ANK1: variants seen among roughly 807,000 people sequenced by gnomAD.
The protein encoded by ANK1 is ankyrin-1.
ANK1 carries 51 observed loss-of-function variants against 210.4 expected under a neutral mutation model. The observed-to-expected ratio is 0.24, with a 90% CI of 0.19 to 0.31. The LOEUF (loss-of-function observed/expected upper bound fraction) is 0.31. ANK1 is among the 10% of genes least tolerant of loss of function. ANK1 has a pLI of 1.00. For missense variants in ANK1, 2,051 were observed against 2,504.4 expected (o/e 0.82, Z 3.86); for synonymous variants, 967 against 1,025.9 (o/e 0.94, Z 1.10).
At chr8:41,885,847 T>C (rs1340016017) in intron 1 of ANK1, among the ~76,000 whole-genome samples, 1 of 152,238 alleles carries the variant, frequency 6.6e-6, no homozygotes, top group Non-Finnish European at 1.5e-5. Context: ...TTGCCTGACT[T>C]GGGCTGTTTC....
At position 41,694,802 on chromosome 8, in the gene ANK1, C is replaced by A; in HGVS notation, c.3117G>T (p.Glu1039Asp). 1 of 1,614,036 alleles carries A rather than the reference C, an allele frequency of 6.2e-7. No homozygotes were observed. Among genetic ancestry groups the A allele is most frequent in the Non-Finnish European group, 8.5e-7 (1 of 1,179,960 alleles). ...TCTCTAGCTCCTCCAGGCTCCCCAG[C>A]TCTGGAATCACACACACAGGCCACC... ...LDQILNGMDEELGSLEELEKK... is the reference protein window; with the variant it reads ...LDQILNGMDEDLGSLEELEKK... The change falls in exon 28 of 43, where the codon GAG becomes GAT. Residue 1039 changes from glutamate to aspartate, a missense_variant and splice_region_variant. Coordinates refer to ENST00000289734, the MANE Select transcript of ANK1 (RefSeq NM_000037.4). This position sits in a 1 kb window ranked among gnomAD's most constrained non-coding sequence, Gnocchi z 5.7.
At chr8:41,731,427 T>C (rs1183598805) in intron 3 of ANK1, among the ~76,000 whole-genome samples, 2 of 152,176 alleles carry the variant, frequency 1.3e-5, no homozygotes, top group Non-Finnish European at 2.9e-5. Flanking sequence ...AGATGAAAGC[T>C]GTCCCCATTC....
intron 1 of ANK1, among the ~76,000 whole-genome samples, chr8:41,847,710 A>G (rs1810329012): frequency 1.3e-5 from 2 of 152,206 alleles, no homozygotes; most frequent in Non-Finnish European, 2.9e-5. Flanking sequence ...AAGACATTAC[A>G]GAGCGGCATT....
chr8:41,802,647 GAAAAGCATCAT>G (rs1850061403), intron 1 of ANK1, among the ~76,000 whole-genome samples: 1 of 152,048 alleles, frequency 6.6e-6, no homozygotes, highest in Non-Finnish European at 1.5e-5. Context: ...TATTCCTCTA[GAAAAGCATCAT>G]AACAGCTGGG....
At chr8:41,811,687 A>T (rs1802523612) in intron 1 of ANK1, among the ~76,000 whole-genome samples, 1 of 152,212 alleles carries the variant, frequency 6.6e-6, no homozygotes, top group Non-Finnish European at 1.5e-5. Flanking sequence ...AGTGTGTTCA[A>T]CTGCACAGTG....
At chr8:41,662,246 C>T (rs1030123135) in intron 40 of ANK1, among the ~76,000 whole-genome samples, 2 of 148,484 alleles carry the variant, frequency 1.3e-5, no homozygotes, top group Non-Finnish European at 3.0e-5. Context: ...GACAGAGCAA[C>T]ACTCTGTGTC....
At chr8:41,829,954 A>AAAAAAAAC (rs1806291666) in intron 1 of ANK1, 1 of 148,212 alleles carries the variant, frequency 6.7e-6, no homozygotes, top group Non-Finnish European at 1.5e-5. Context: ...AAAAAAAAAA[A>AAAAAAAAC]AAAATCTGAC....
chr8:41,843,393 T>C (rs962028120), intron 1 of ANK1, among the ~76,000 whole-genome samples: 2 of 151,766 alleles, frequency 1.3e-5, no homozygotes, highest in Non-Finnish European at 2.9e-5. Context: ...CTTCTCTTCA[T>C]TTCCCCCCCA....
chr8:41,893,028 G>A (rs1439442745), intron 1 of ANK1, among the ~76,000 whole-genome samples: 11 of 152,172 alleles, frequency 7.2e-5, no homozygotes, highest in Admixed American at 3.3e-4. Context: ...GGGCCAAGGC[G>A]TCAGCGCTCC....
intron 1 of ANK1, among the ~76,000 whole-genome samples, chr8:41,862,920 G>A (rs1387869017): frequency 6.6e-6 from 1 of 152,156 alleles, no homozygotes; most frequent in African/African-American, 2.4e-5. Flanking sequence ...GCTGAGGTAG[G>A]AGGATTGCTT....
At chr8:41,860,378 A>G (rs1408454067) in intron 1 of ANK1, among the ~76,000 whole-genome samples, 1 of 152,226 alleles carries the variant, frequency 6.6e-6, no homozygotes, top group Non-Finnish European at 1.5e-5. Context: ...GAGAAGCTCG[A>G]TCAGCCTTGC....
intron 10 of ANK1, 90 bp from the exon 11 acceptor site, chr8:41,718,294 C>G: frequency 5.5e-6 from 7 of 1,270,456 alleles, no homozygotes; most frequent in Non-Finnish European, 7.9e-6. Context: ...CTCTAAAAGG[C>G]AGCTGCTGCC....
intron 40 of ANK1, among the ~76,000 whole-genome samples, chr8:41,662,813 C>T (rs1235556926): frequency 1.3e-5 from 2 of 152,102 alleles, no homozygotes; most frequent in Non-Finnish European, 2.9e-5. Context: ...GCCTCAGCTC[C>T]TCCTCTATTT....
rs1049953019 is a variant in ANK1, at chr8:41,704,655, A to G, written c.2098-183T>C. Among the ~76,000 whole-genome samples, 3 of 152,178 alleles carry G rather than the reference A, an allele frequency of 2.0e-5. No individual in the cohort carries two copies. The highest frequency in any genetic ancestry group is 4.1e-4 in the South Asian group (2 of 4,832). On this transcript the variant is annotated intron_variant, in intron 18 of 42. Coordinates refer to ENST00000289734, the MANE Select transcript of ANK1 (RefSeq NM_000037.4). This position sits in a 1 kb window ranked among gnomAD's most constrained non-coding sequence, Gnocchi z 4.1. Reference sequence around the variant, plus strand: ...GGCTGAGATGCTTGTGGGAGACCCAAGGGGAGACGTCAAGCGGGCAACTGG... The same window carrying G: ...GGCTGAGATGCTTGTGGGAGACCCAGGGGGAGACGTCAAGCGGGCAACTGG...
At chr8:41,732,577 T>A (rs886250962) in intron 3 of ANK1, among the ~76,000 whole-genome samples, 1 of 151,594 alleles carries the variant, frequency 6.6e-6, no homozygotes, top group Non-Finnish European at 1.5e-5. Flanking sequence ...CACGACTGGC[T>A]GATTTTTGTA....
chr8:41,721,311 C>T (rs1386275851), intron 9 of ANK1, among the ~76,000 whole-genome samples: 1 of 152,090 alleles, frequency 6.6e-6, no homozygotes, highest in East Asian at 1.9e-4. Context: ...GTGCCCAAAC[C>T]ACCAGAAGCT....
At chr8:41,701,485 C>G in intron 22 of ANK1, 65 bp downstream of exon 22, 4 of 1,491,412 alleles carry the variant, frequency 2.7e-6, no homozygotes, top group Non-Finnish European at 3.7e-6. Context: ...TGGCAGGAAG[C>G]CCCCTTGGAG....
intron 23 of ANK1, 94 bp downstream of exon 23, chr8:41,699,358 G>A: frequency 8.4e-7 from 1 of 1,187,120 alleles, no homozygotes; most frequent in Non-Finnish European, 1.3e-6. Context: ...CCAGCGCCTG[G>A]CCTGCTGTGT....
rs1807624536 is a variant in ANK1, at chr8:41,660,451, C to T, written c.*36+979G>A. On this transcript the variant is annotated intron_variant, in intron 42 of 42. Coordinates refer to ENST00000289734, the MANE Select transcript of ANK1 (RefSeq NM_000037.4). ...GACTCCCACCCCGAGGTATCCTGTA[C>T]TGAGCTGCCCCGAGCTGGGCAGCAT... is the stretch of plus-strand genomic sequence containing the variant. The T allele has an allele frequency of 1.1e-5, 5 of 464,370 alleles. No individual in the cohort carries two copies. In the Middle Eastern group the frequency reaches 2.0e-3, roughly 182 times the overall value. 28.8% of individuals were successfully genotyped at this position (464,370 alleles called of 1,614,324 possible). A position where few individuals can be genotyped will look rare whatever the true frequency, so the allele number is the denominator to read the frequency against.
Sources: allele counts gnomAD v4.1 joint callset (sites outside exome capture counted in the v4.1 genomes callset), GRCh38; gene constraint gnomAD v4.1.1; non-coding constraint Gnocchi (gnomAD v3.1); transcripts MANE v1.5; gene names NCBI Gene and HGNC (gene_info 2026-07-23, HGNC 2026-07-21).